The following DPY19L3 variants were observed in gnomAD, a reference collection of about 807,000 sequenced individuals.
The protein encoded by DPY19L3 is protein C-mannosyl-transferase DPY19L3.
Under a neutral mutation model 92.3 loss-of-function variants are expected in DPY19L3, and 51 were observed. The observed-to-expected ratio is 0.55, with a 90% confidence interval of 0.44 to 0.70. The LOEUF (loss-of-function observed/expected upper bound fraction) is 0.70. DPY19L3 is among the 30% of genes least tolerant of loss of function. DPY19L3 has a pLI of 0.00. For synonymous variants in DPY19L3, 309 were observed against 315.2 expected (o/e 0.98, Z 0.21); for missense variants, 706 against 855.9 (o/e 0.82, Z 2.18).
intron 3 of DPY19L3, among the ~76,000 whole-genome samples, chr19:32,420,563 G>T (rs1008455079): frequency 2.0e-5 from 3 of 152,058 alleles, no homozygotes; most frequent in South Asian, 2.1e-4. Context: ...TCCTGCCTCA[G>T]CCTCCTGAGT....
chr19:32,434,289 C>A (rs1351048327), intron 4 of DPY19L3, among the ~76,000 whole-genome samples: 3 of 152,178 alleles, frequency 2.0e-5, no homozygotes, highest in Non-Finnish European at 4.4e-5. Flanking sequence ...GGCTCTCACA[C>A]TGCAGTGTCC....
intron 6 of DPY19L3, 111 bp from the exon 7 acceptor site, chr19:32,439,001 A>C: frequency 8.6e-7 from 1 of 1,168,284 alleles, no homozygotes; most frequent in East Asian, 2.4e-5. Context: ...ACCAGTGGCC[A>C]GAATCTTAAG....
chr19:32,438,072 C>T (rs915108014), intron 6 of DPY19L3, among the ~76,000 whole-genome samples: 1 of 151,994 alleles, frequency 6.6e-6, no homozygotes, highest in Non-Finnish European at 1.5e-5. Context: ...GCGTTTTTGC[C>T]TTATTTAATA....
intron 8 of DPY19L3, among the ~76,000 whole-genome samples, chr19:32,451,682 T>C (rs1380515854): frequency 3.3e-5 from 5 of 152,342 alleles, no homozygotes; most frequent in Middle Eastern, 3.4e-3. Context: ...CCACTCTTTA[T>C]TAGGGACTGC....
intron 16 of DPY19L3, among the ~76,000 whole-genome samples, chr19:32,473,358 T>C (rs1416391475): frequency 6.6e-6 from 1 of 152,218 alleles, no homozygotes; most frequent in Non-Finnish European, 1.5e-5. Flanking sequence ...ATTGCTTTGT[T>C]TTTCTATAAT....
At chr19:32,430,274 A>G (rs964461646) in intron 3 of DPY19L3, among the ~76,000 whole-genome samples, 2 of 152,214 alleles carry the variant, frequency 1.3e-5, no homozygotes, top group South Asian at 4.1e-4. Flanking sequence ...CTGTAATCCC[A>G]GCTACTTGGA....
chr19:32,440,352 A>G (rs1771330659), intron 8 of DPY19L3, among the ~76,000 whole-genome samples: 1 of 152,204 alleles, frequency 6.6e-6, no homozygotes, highest in Non-Finnish European at 1.5e-5. Flanking sequence ...TGAAAGTCAC[A>G]TGTGAAATAA....
chr19:32,465,131 A>T (rs910279177), intron 15 of DPY19L3, among the ~76,000 whole-genome samples: 2 of 152,246 alleles, frequency 1.3e-5, no homozygotes, highest in Non-Finnish European at 2.9e-5. Flanking sequence ...TGATTTATAT[A>T]GACTAAGAGA....
At chr19:32,480,278 C>T in intron 17 of DPY19L3, 121 bp from the exon 18 acceptor site, 1 of 1,137,336 alleles carries the variant, frequency 8.8e-7, no homozygotes, top group Non-Finnish European at 1.2e-6. Flanking sequence ...GTGGCCTGGG[C>T]TGGAGAGAGC....
At position 32,414,845 on chromosome 19, in the gene DPY19L3, C is replaced by A. The variant is rs140934566; in HGVS notation, c.237+3473C>A. 8.2e-4 allele frequency among the ~76,000 whole-genome samples: 124 copies of A among 152,124 alleles called. 2 individuals carry two copies. Among genetic ancestry groups the A allele is most frequent in the Admixed American group, 5.2e-4 (8 of 15,260 alleles). Reference sequence around the variant, plus strand: ...TTCCTACTTTCCTTAAATAAATACACCCCATCATCAAGAAACTTGAACACC... The same window carrying A: ...TTCCTACTTTCCTTAAATAAATACAACCCATCATCAAGAAACTTGAACACC... On this transcript the variant is annotated intron_variant, in intron 3 of 18. Transcript: ENST00000392250.
At chr19:32,455,664 C>A (rs752963999) in intron 10 of DPY19L3, among the ~76,000 whole-genome samples, 3 of 152,122 alleles carry the variant, frequency 2.0e-5, no homozygotes, top group Non-Finnish European at 4.4e-5. Flanking sequence ...TTTTTCCCAA[C>A]ATTTAACTGA....
At chr19:32,429,459 T>A (rs906065800) in intron 3 of DPY19L3, among the ~76,000 whole-genome samples, 3 of 152,242 alleles carry the variant, frequency 2.0e-5, no homozygotes, top group African/African-American at 7.2e-5. Context: ...GTATAGCATT[T>A]GGTTCTGTAC....
At chr19:32,481,815 G>A (rs2145646915) in intron 18 of DPY19L3, 2 of 410,908 alleles carry the variant, frequency 4.9e-6, no homozygotes, top group South Asian at 4.0e-5. Flanking sequence ...GTTCCTGAGA[G>A]CAAGCAGACC....
chr19:32,424,973 C>A (rs541119739), intron 3 of DPY19L3, among the ~76,000 whole-genome samples: 1 of 152,042 alleles, frequency 6.6e-6, no homozygotes, highest in African/African-American at 2.4e-5. Flanking sequence ...AGGACAGTTA[C>A]GTGGAGAAAG....
chr19:32,461,125 CAAAA>C (rs1437984450), intron 12 of DPY19L3, among the ~76,000 whole-genome samples: 1 of 152,220 alleles, frequency 6.6e-6, no homozygotes, highest in East Asian at 1.9e-4. Flanking sequence ...CTCAGCCTCC[CAAAA>C]TGTTGGGATG....
Position 32,463,974 on chromosome 19 carries a change from A to G in DPY19L3, c.1551A>G (p.Pro517=). The G allele has an allele frequency of 6.2e-7, 1 of 1,608,794 alleles. No homozygotes were observed. Among genetic ancestry groups the G allele is most frequent in the Non-Finnish European group, 8.5e-7 (1 of 1,175,958 alleles). The change falls in exon 14 of 19, where the codon CCA becomes CCG. Residue 517 remains proline, a synonymous_variant. Coordinates refer to ENST00000392250, the MANE Select transcript of DPY19L3 (RefSeq NM_001172774.2). The stretch of plus-strand genomic sequence containing the variant: ...TGAAGTCAGTCCATCTTTATAACCC[A>G]AAGAGGGTCAGTGTCATCCCTTTTT... ...LLLKSVHLYN[P]KRICIMRYSV...
intron 3 of DPY19L3, chr19:32,412,923 CTT>C (rs1454466248): frequency 6.6e-6 from 1 of 151,442 alleles, no homozygotes; most frequent in Non-Finnish European, 1.5e-5. Context: ...GAGCAATACT[CTT>C]TATCAAAAAA....
chr19:32,462,056 T>C (rs1234157615), intron 12 of DPY19L3, among the ~76,000 whole-genome samples: 1 of 152,218 alleles, frequency 6.6e-6, no homozygotes, highest in African/African-American at 2.4e-5. Flanking sequence ...GTTTAATTTA[T>C]AAATTAATCA....
chr19:32,438,301 A>G (rs1259978384), intron 6 of DPY19L3, among the ~76,000 whole-genome samples: 3 of 152,114 alleles, frequency 2.0e-5, no homozygotes, highest in Non-Finnish European at 4.4e-5. Flanking sequence ...AGCACTTTAC[A>G]ATATGTGTTA....
Sources: allele counts gnomAD v4.1 joint callset (sites outside exome capture counted in the v4.1 genomes callset), GRCh38; gene constraint gnomAD v4.1.1; transcripts MANE v1.5; gene names NCBI Gene and HGNC (gene_info 2026-07-23, HGNC 2026-07-21).